VCAN: variants seen among roughly 807,000 people sequenced by gnomAD.
VCAN encodes the protein versican core protein.
VCAN carries 44 observed loss-of-function variants against 245.5 expected under a neutral mutation model. That is an observed-to-expected ratio of 0.18 (90% CI 0.14 to 0.23). The LOEUF (loss-of-function observed/expected upper bound fraction) is 0.23. Ranked by LOEUF, VCAN falls within the 10% of genes least tolerant of loss-of-function variation. The probability of loss-of-function intolerance (pLI) is 1.00; values close to 1 mark genes in which losing one functional copy is unlikely to be tolerated. For synonymous variants in VCAN, 1,413 were observed against 1,437.0 expected (o/e 0.98, Z 0.38); for missense variants, 3,793 against 4,057.9 (o/e 0.93, Z 1.77).
chr5:83,537,480 T>A lies in VCAN; in HGVS notation c.4477T>A (p.Phe1493Ile), dbSNP rs756102005. The A allele has an allele frequency of 9.3e-6, 15 of 1,613,774 alleles. No homozygotes were observed. Among genetic ancestry groups the A allele is most frequent in the Non-Finnish European group, 1.3e-5 (15 of 1,179,932 alleles). The change falls in exon 8 of 15, where the codon TTT becomes ATT. Residue 1493 changes from phenylalanine to isoleucine, a missense_variant. Phe to Ile is a conservative substitution (Grantham distance 21, BLOSUM62 0). This residue lies in a region of VCAN where 3,182 missense variants were observed against 3,250.3 expected (regional missense o/e 0.98). Transcript: ENST00000265077. ...GACTTACCCTGAAACATCAGAACAT[T>A]TTTCAGGTGGTGAGCCTGATGTTTT... ...PETYPETSEH[F>I]SGGEPDVFPT...
chr5:83,496,894 C>T (rs1337254204), intron 5 of VCAN, among the ~76,000 whole-genome samples: 3 of 152,300 alleles, frequency 2.0e-5, no homozygotes, highest in African/African-American at 4.8e-5. Flanking sequence ...CATAAAATTA[C>T]GTCTGGTATT....
intron 1 of VCAN, among the ~76,000 whole-genome samples, chr5:83,473,864 C>A (rs917166935): frequency 7.2e-5 from 11 of 152,176 alleles, no homozygotes; most frequent in Non-Finnish European, 1.6e-4. Context: ...CAATCTGCGG[C>A]GTACATCTAG....
intron 7 of VCAN, 129 bp downstream of exon 7, chr5:83,522,438 GT>G: frequency 1.1e-6 from 1 of 950,330 alleles, no homozygotes; most frequent in Non-Finnish European, 1.6e-6. Flanking sequence ...AAAAATAAAT[GT>G]TTTAGCTTCA....
intron 7 of VCAN, among the ~76,000 whole-genome samples, chr5:83,523,508 A>C (rs1255379012): frequency 6.6e-6 from 1 of 151,586 alleles, no homozygotes; most frequent in East Asian, 1.9e-4. Context: ...TAGAGTGCTC[A>C]GGAGTGCACC....
intron 7 of VCAN, among the ~76,000 whole-genome samples, chr5:83,524,239 C>T (rs962870981): frequency 5.6e-4 from 85 of 151,996 alleles, no homozygotes; most frequent in Non-Finnish European, 1.5e-4. Context: ...AAACCTGAAA[C>T]AATTTATACA....
chr5:83,475,873 T>C (rs141179819), intron 1 of VCAN, among the ~76,000 whole-genome samples: 4 of 152,312 alleles, frequency 2.6e-5, no homozygotes, highest in East Asian at 1.9e-4. Flanking sequence ...TTTTGGTAGA[T>C]AAAAACAGAG....
intron 6 of VCAN, among the ~76,000 whole-genome samples, chr5:83,515,167 G>C (rs1274668854): frequency 1.3e-5 from 2 of 152,150 alleles, no homozygotes; most frequent in African/African-American, 4.8e-5. Context: ...GTAAGATAAA[G>C]TTTTCCTGTA....
chr5:83,496,710 A>G (rs1376070908), intron 5 of VCAN, among the ~76,000 whole-genome samples: 1 of 152,152 alleles, frequency 6.6e-6, no homozygotes, highest in Non-Finnish European at 1.5e-5. Flanking sequence ...CTTGAAAGTG[A>G]GCAGGAATGG....
chr5:83,555,036 C>T lies in VCAN; in HGVS notation c.9733C>T (p.Leu3245=), dbSNP rs751087760. 2 of 1,613,536 alleles carry T rather than the reference C, an allele frequency of 1.2e-6. No individual in the cohort carries two copies. Among genetic ancestry groups the T allele is most frequent in the South Asian group, 1.1e-5 (1 of 91,082 alleles). Residue 3245 remains leucine, a splice_region_variant and synonymous_variant, in exon 12 of 15, where the codon CTG becomes TTG. Coordinates refer to ENST00000265077, the MANE Select transcript of VCAN (RefSeq NM_004385.5). ...CTTCCGTTGGACTGATGGCAGCACA[C>T]TGGTAAGATGCCCTTGAAAATGATG... The part of the protein sequence containing the change: ...HDFRWTDGST[L]QYENWRPNQP...
rs777491694 is a variant in VCAN at position 83,538,000 on chromosome 5, ATACACTCAT to A, written c.5001_5009del (p.Ile1669_Leu1671del). 2.0e-5 allele frequency: 33 copies of A among 1,614,036 alleles called. No individual in the cohort carries two copies. In the South Asian group the frequency reaches 3.2e-4, roughly 16 times the overall value. ...GATTTATCACAGAGAAATACTACTG[ATACACTCAT>A]TACTTTAGACACTAGCAGGATAATC... On this transcript the variant is annotated inframe_deletion, in exon 8 of 15. Transcript: ENST00000265077.
chr5:83,544,085 A>G (rs1042823775), intron 8 of VCAN, among the ~76,000 whole-genome samples: 3 of 152,250 alleles, frequency 2.0e-5, no homozygotes, highest in African/African-American at 4.8e-5. Flanking sequence ...AGTCTGATAA[A>G]GCACTTTCAC....
chr5:83,577,844 ATC>A (rs1488733644), intron 13 of VCAN, among the ~76,000 whole-genome samples: 1 of 151,984 alleles, frequency 6.6e-6, no homozygotes, highest in Non-Finnish European at 1.5e-5. Context: ...ATGTGTGTAA[ATC>A]TCTTTCTGGT....
At position 83,537,908 on chromosome 5, in the gene VCAN, G is replaced by T; in HGVS notation, c.4905G>T (p.Ser1635=). ...RQVVELSGSS[S]IPITEGSGEA... ...TTGTAGAGCTCTCAGGGAGTTCTTCGATTCCAATTACAGAAGGCTCTGGAG... is the reference window on the plus strand; with the variant it reads ...TTGTAGAGCTCTCAGGGAGTTCTTCTATTCCAATTACAGAAGGCTCTGGAG... Residue 1635 remains serine, a synonymous_variant, in exon 8 of 15, where the codon TCG becomes TCT. Coordinates refer to ENST00000265077, the MANE Select transcript of VCAN (RefSeq NM_004385.5). 1.2e-6 allele frequency: 2 copies of T among 1,613,878 alleles called. No individual in the cohort carries two copies. The highest frequency in any genetic ancestry group is 1.7e-6 in the Non-Finnish European group (2 of 1,179,950).
At position 83,541,903 on chromosome 5, in the gene VCAN, A is replaced by T; in HGVS notation, c.8900A>T (p.Glu2967Val). The T allele has an allele frequency of 6.2e-7, 1 of 1,614,078 alleles. No homozygotes were observed. The highest frequency in any genetic ancestry group is 1.7e-5 in the Admixed American group (1 of 60,010). The change falls in exon 8 of 15, where the codon GAA becomes GTA. Residue 2967 changes from glutamate (E) to valine (V), a missense_variant. Glu to Val is a moderately radical substitution (Grantham distance 121). Transcript: ENST00000265077. ...GTTATTACAACTGCCGATGAAATTG[A>T]ATTAGAAGGTGCTACACAGTGGCCA... Reference protein sequence around the residue: ...GTVITTADEIELEGATQWPHS... With the variant: ...GTVITTADEIVLEGATQWPHS...
intron 1 of VCAN, among the ~76,000 whole-genome samples, chr5:83,476,442 G>C: frequency 6.6e-6 from 1 of 152,174 alleles, no homozygotes; most frequent in Non-Finnish European, 1.5e-5. Context: ...AACCAGTTAG[G>C]ACTGACAAAC....
At position 83,519,814 on chromosome 5, in the gene VCAN, A is replaced by T. The variant is rs151162916; in HGVS notation, c.1508A>T (p.Glu503Val). 1.9e-6 allele frequency: 3 copies of T among 1,614,030 alleles called. No homozygotes were observed. In the African/African-American group the frequency reaches 4.0e-5, roughly 22 times the overall value. ...IEVGPLVTSM[E>V]ILKHIPSKEF... ...GTGGGTCCTTTGGTAACATCTATGG[A>T]AATCTTAAAGCACATTCCTTCCAAG... is the stretch of plus-strand genomic sequence containing the variant. Residue 503 changes from glutamate (E) to valine (V), a missense_variant, in exon 7 of 15, where the codon GAA becomes GTA. Coordinates refer to ENST00000265077, the MANE Select transcript of VCAN (RefSeq NM_004385.5).
At chr5:83,529,814 C>T (rs555716688) in intron 7 of VCAN, among the ~76,000 whole-genome samples, 1 of 152,146 alleles carries the variant, frequency 6.6e-6, no homozygotes, top group Non-Finnish European at 1.5e-5. Context: ...CTAGAAAGCA[C>T]CAAGCACAAT....
intron 1 of VCAN, among the ~76,000 whole-genome samples, chr5:83,478,121 T>C (rs1341535459): frequency 6.6e-6 from 1 of 151,966 alleles, no homozygotes; most frequent in Admixed American, 6.6e-5. Context: ...TTTCGTGTTT[T>C]TAGTAGAGTG....
chr5:83,573,801 A>G (rs1748378046), intron 13 of VCAN, among the ~76,000 whole-genome samples: 1 of 152,200 alleles, frequency 6.6e-6, no homozygotes, highest in Admixed American at 6.5e-5. Context: ...CTGAAATACC[A>G]TGATGAACAA....
Sources: gnomAD v4.1 joint callset for allele counts (sites outside exome capture counted in the v4.1 genomes callset) on GRCh38, gnomAD v4.1.1 for gene constraint, gnomAD v4.1.1 regional missense constraint, MANE v1.5 for transcripts, NCBI Gene and HGNC (gene_info 2026-07-23, HGNC 2026-07-21) for gene names.